Variants in HDAC9 observed in about 807,000 individuals in gnomAD.
HDAC9 encodes the protein histone deacetylase 9.
Under a neutral mutation model 139.4 loss-of-function variants are expected in HDAC9, and 41 were observed. That is an observed-to-expected ratio of 0.29 (90% CI 0.23 to 0.38). HDAC9 has a LOEUF of 0.38. Among genes scored for constraint, HDAC9 ranks in the 10% least tolerant of loss-of-function variants. HDAC9 has a pLI of 1.00. For synonymous variants in HDAC9, 517 were observed against 476.2 expected (o/e 1.09, Z -1.12); for missense variants, 1,147 against 1,297.0 (o/e 0.88, Z 1.78).
At chr7:18,719,254 A>G (rs1024970894) in intron 12 of HDAC9, among the ~76,000 whole-genome samples, 1 of 147,076 alleles carries the variant, frequency 6.8e-6, no homozygotes, top group Non-Finnish European at 1.5e-5. Context: ...TTACCTTTCC[A>G]CTTACTTTAT....
At chr7:18,385,739 C>G (rs969420925) in intron 1 of HDAC9, among the ~76,000 whole-genome samples, 5 of 152,122 alleles carry the variant, frequency 3.3e-5, no homozygotes, top group African/African-American at 1.2e-4. Flanking sequence ...TATTGCAAAA[C>G]AAACCCAATG....
At chr7:18,703,793 G>A (rs896186104) in intron 12 of HDAC9, among the ~76,000 whole-genome samples, 4 of 151,738 alleles carry the variant, frequency 2.6e-5, no homozygotes, top group African/African-American at 7.3e-5. Context: ...CCTGGGCAGT[G>A]TCACATTCCT....
intron 25 of HDAC9, among the ~76,000 whole-genome samples, chr7:18,989,134 C>T (rs186092333): frequency 0.32 from 45,658 of 141,606 alleles, 8,672 homozygotes; most frequent in African/African-American, 0.5. Context: ...TTTGCTCGTT[C>T]GTTGATGCAG....
intron 1 of HDAC9, among the ~76,000 whole-genome samples, chr7:18,393,390 G>A (rs2128725684): frequency 6.6e-6 from 1 of 152,278 alleles, no homozygotes; most frequent in Non-Finnish European, 1.5e-5. Flanking sequence ...TAGTAAAGGA[G>A]TAGAGGGAAC....
intron 17 of HDAC9, among the ~76,000 whole-genome samples, chr7:18,813,301 G>A (rs1585083500): frequency 6.6e-6 from 1 of 152,208 alleles, no homozygotes; most frequent in East Asian, 1.9e-4. Context: ...CTTTGTTTGT[G>A]AAGTTATTCA....
chr7:18,640,341 G>C (rs1358013361), intron 8 of HDAC9, among the ~76,000 whole-genome samples: 1 of 106,400 alleles, frequency 9.4e-6, no homozygotes, highest in Non-Finnish European at 1.7e-5. Flanking sequence ...CTGGGCGACA[G>C]AGCAAGATCC....
At chr7:18,103,104 A>G (rs550594378) in intron 1 of HDAC9, among the ~76,000 whole-genome samples, 87 of 152,288 alleles carry the variant, frequency 5.7e-4, no homozygotes, top group Non-Finnish European at 1.1e-3. Context: ...CACATCTTAC[A>G]TAGTGGCAGG....
chr7:18,189,451 C>A lies in HDAC9; in HGVS notation c.25+27102C>A, dbSNP rs546279383. On this transcript the variant is annotated intron_variant, in intron 2 of 12. Coordinates refer to the HDAC9 transcript ENST00000417496. The stretch of plus-strand genomic sequence containing the variant: ...AAACCTGCACATTCTGTACATGTAT[C>A]CTGTTTTTGTTTGTTTGTTTGTTTG... 7.9e-5 allele frequency among the ~76,000 whole-genome samples: 12 copies of A among 151,916 alleles called. No homozygotes were observed. The South Asian group carries it at 2.5e-3, about 32-fold the overall frequency.
At chr7:18,562,887 T>C (rs1821043707) in intron 2 of HDAC9, among the ~76,000 whole-genome samples, 1 of 152,138 alleles carries the variant, frequency 6.6e-6, no homozygotes, top group Admixed American at 6.5e-5. Flanking sequence ...GAAAATGAAA[T>C]GTTTTTCATT....
At chr7:18,160,097 A>C (rs1463637762) in intron 1 of HDAC9, among the ~76,000 whole-genome samples, 1 of 152,172 alleles carries the variant, frequency 6.6e-6, no homozygotes, top group Non-Finnish European at 1.5e-5. Flanking sequence ...TTATTGGTTA[A>C]ATTTGAGTTA....
chr7:18,656,096 G>C (rs1006064971), intron 11 of HDAC9, among the ~76,000 whole-genome samples: 1 of 147,152 alleles, frequency 6.8e-6, no homozygotes, highest in African/African-American at 2.5e-5. Flanking sequence ...CCTGGTTTTA[G>C]TTCTTTTTTC....
intron 1 of HDAC9, among the ~76,000 whole-genome samples, chr7:18,156,861 A>G (rs1382314892): frequency 6.6e-6 from 1 of 152,296 alleles, no homozygotes; most frequent in East Asian, 1.9e-4. Flanking sequence ...GTGGTGGCTC[A>G]CACCTGTAAT....
intron 2 of HDAC9, among the ~76,000 whole-genome samples, chr7:18,274,491 C>G (rs113956290): frequency 1.3e-5 from 2 of 152,290 alleles, no homozygotes; most frequent in African/African-American, 4.8e-5. Context: ...AGGCATTAAT[C>G]TATTCATGAA....
At chr7:18,182,182 A>C (rs1789494322) in intron 2 of HDAC9, among the ~76,000 whole-genome samples, 1 of 152,166 alleles carries the variant, frequency 6.6e-6, no homozygotes, top group South Asian at 2.1e-4. Context: ...GAGAATTCTA[A>C]ATTTAAATCT....
intron 22 of HDAC9, among the ~76,000 whole-genome samples, chr7:18,893,773 G>A (rs1028005875): frequency 2.0e-5 from 3 of 152,142 alleles, no homozygotes; most frequent in Non-Finnish European, 4.4e-5. Flanking sequence ...GCTGGGACAA[G>A]GGAGGTTTGT....
intron 22 of HDAC9, among the ~76,000 whole-genome samples, chr7:18,887,073 G>T (rs781469981): frequency 1.3e-5 from 2 of 152,196 alleles, no homozygotes; most frequent in Non-Finnish European, 2.9e-5. Flanking sequence ...ATACGTGTGT[G>T]GCTGATGAAG....
chr7:18,673,507 A>C (rs1795780842), intron 12 of HDAC9, among the ~76,000 whole-genome samples: 1 of 152,074 alleles, frequency 6.6e-6, no homozygotes, highest in Non-Finnish European at 1.5e-5. Flanking sequence ...TTCCATGTCT[A>C]TTGATTACAT....
intron 2 of HDAC9, among the ~76,000 whole-genome samples, chr7:18,184,101 T>C (rs1410380002): frequency 6.6e-6 from 1 of 152,204 alleles, no homozygotes; most frequent in Non-Finnish European, 1.5e-5. Context: ...TATTTGCATA[T>C]AAATAATGAG....
At chr7:18,650,278 G>A (rs1331936188) in intron 11 of HDAC9, among the ~76,000 whole-genome samples, 1 of 152,110 alleles carries the variant, frequency 6.6e-6, no homozygotes, top group Non-Finnish European at 1.5e-5. Context: ...TTGCCATATA[G>A]TGTTTTGATC....
Sources: gnomAD v4.1 joint callset for allele counts (sites outside exome capture counted in the v4.1 genomes callset) on GRCh38, gnomAD v4.1.1 for gene constraint, MANE v1.5 for transcripts, NCBI Gene and HGNC (gene_info 2026-07-23, HGNC 2026-07-21) for gene names.